EPHA6: variants seen among roughly 807,000 people sequenced by gnomAD.
EPHA6 encodes the protein EPH receptor A6, also known as ephrin type-A receptor 6.
A neutral mutation model predicts 112.0 loss-of-function variants in EPHA6; 50 were observed. That is an observed-to-expected ratio of 0.45 (90% confidence interval 0.36 to 0.56). The LOEUF (loss-of-function observed/expected upper bound fraction) is 0.56. EPHA6 is among the 20% of genes least tolerant of loss of function. The pLI, the probability that EPHA6 is intolerant of heterozygous loss-of-function variation, is 0.00. For synonymous variants in EPHA6, 529 were observed against 490.7 expected, an observed-to-expected ratio of 1.08 and a Z score of -1.03; for missense variants, 1,280 against 1,417.4, an observed-to-expected ratio of 0.90 and a Z score of 1.56.
At chr3:97,655,762 G>A (rs1386833436) in intron 14 of EPHA6, among the ~76,000 whole-genome samples, 1 of 132,026 alleles carries the variant, frequency 7.6e-6, no homozygotes, top group East Asian at 2.6e-4. Context: ...GTTGTGGAGT[G>A]GGGGGAGGGG....
At chr3:96,882,772 A>ATG (rs2037400204) in intron 2 of EPHA6, among the ~76,000 whole-genome samples, 1 of 124,550 alleles carries the variant, frequency 8.0e-6, no homozygotes, top group African/African-American at 3.1e-5. Context: ...GTGTGTGTAT[A>ATG]GTCAATCATC....
intron 11 of EPHA6, among the ~76,000 whole-genome samples, chr3:97,565,002 G>A (rs1264635261): frequency 6.6e-6 from 1 of 152,130 alleles, no homozygotes; most frequent in Non-Finnish European, 1.5e-5. Context: ...CGCCAGCACA[G>A]AGATGATATC....
intron 3 of EPHA6, among the ~76,000 whole-genome samples, chr3:97,032,982 G>A (rs2044929557): frequency 6.6e-6 from 1 of 151,682 alleles, no homozygotes; most frequent in African/African-American, 2.4e-5. Context: ...GCACTCTTCA[G>A]GTAGGGTATG....
chr3:96,983,809 T>G (rs907985147), intron 2 of EPHA6, among the ~76,000 whole-genome samples: 1 of 152,238 alleles, frequency 6.6e-6, no homozygotes, highest in African/African-American at 2.4e-5. Context: ...CATTTGATCT[T>G]CAATCACTGA....
chr3:97,399,210 A>G (rs941196635), intron 5 of EPHA6, among the ~76,000 whole-genome samples: 1 of 151,486 alleles, frequency 6.6e-6, no homozygotes, highest in African/African-American at 2.4e-5. Flanking sequence ...TCTTTCTGTG[A>G]CTTACATATT....
intron 5 of EPHA6, among the ~76,000 whole-genome samples, chr3:97,361,737 G>A (rs1017594221): frequency 6.6e-6 from 1 of 152,082 alleles, no homozygotes; most frequent in African/African-American, 2.4e-5. Context: ...ATCTGTGAAT[G>A]GATTAATCCC....
chr3:97,613,637 T>G (rs1009689823), intron 13 of EPHA6, among the ~76,000 whole-genome samples: 9 of 152,058 alleles, frequency 5.9e-5, no homozygotes, highest in Non-Finnish European at 1.2e-4. Flanking sequence ...AGTGTGTGTG[T>G]GGGCTTGTGT....
At chr3:97,644,666 G>A (rs1391314208) in intron 14 of EPHA6, among the ~76,000 whole-genome samples, 11 of 150,242 alleles carry the variant, frequency 7.3e-5, no homozygotes, top group South Asian at 4.2e-4. Flanking sequence ...ACACCTCTAC[G>A]CAAATAAACT....
chr3:96,830,578 C>T (rs924173539), intron 1 of EPHA6, among the ~76,000 whole-genome samples: 2 of 151,970 alleles, frequency 1.3e-5, no homozygotes, highest in Non-Finnish European at 2.9e-5. Flanking sequence ...CTGTTTGATC[C>T]ATGTACTTTC....
intron 13 of EPHA6, among the ~76,000 whole-genome samples, chr3:97,618,550 A>C (rs896055052): frequency 6.6e-6 from 1 of 152,236 alleles, no homozygotes; most frequent in Admixed American, 6.6e-5. Context: ...AAAAGAGAGA[A>C]GATTCAAATA....
chr3:97,038,669 G>A (rs1293952211), intron 3 of EPHA6, among the ~76,000 whole-genome samples: 2 of 152,032 alleles, frequency 1.3e-5, no homozygotes, highest in South Asian at 2.1e-4. Flanking sequence ...GGGAATATTT[G>A]TCTCTTCAGA....
intron 5 of EPHA6, among the ~76,000 whole-genome samples, chr3:97,281,613 A>G (rs2080289572): frequency 1.3e-5 from 2 of 152,160 alleles, no homozygotes; most frequent in African/African-American, 4.8e-5. Flanking sequence ...CACAATGAAA[A>G]TCACACATGA....
At chr3:97,631,891 TA>T in intron 13 of EPHA6, among the ~76,000 whole-genome samples, 1 of 152,030 alleles carries the variant, frequency 6.6e-6, no homozygotes, top group East Asian at 1.9e-4. Flanking sequence ...TGATTTATAT[TA>T]TGGTCCATAG....
At chr3:97,003,055 T>C (rs930946345) in intron 3 of EPHA6, among the ~76,000 whole-genome samples, 1 of 152,090 alleles carries the variant, frequency 6.6e-6, no homozygotes, top group African/African-American at 2.4e-5. Flanking sequence ...GGGGTTGATA[T>C]TGGGGAGGAG....
At chr3:97,099,503 G>T (rs1559727680) in intron 3 of EPHA6, among the ~76,000 whole-genome samples, 1 of 151,894 alleles carries the variant, frequency 6.6e-6, no homozygotes, top group African/African-American at 2.4e-5. Context: ...TTGTGATAGT[G>T]TGTTATGTCA....
In EPHA6 at chr3:97,608,075, G is replaced by A. The variant is rs947190692; in HGVS notation, c.2513-2718G>A. Among the ~76,000 whole-genome samples, 3 of 150,040 alleles carry A rather than the reference G, an allele frequency of 2.0e-5. No homozygotes were observed. In the East Asian group the frequency reaches 5.8e-4, roughly 29 times the overall value. ...GAAAACCAAGACAAATTACAGGCTA[G>A]ATGGAGCAATAGTAAAAAAAAAAAA... is the stretch of plus-strand genomic sequence containing the variant. On this transcript the variant is annotated intron_variant, in intron 12 of 17. Transcript: ENST00000389672.
At chr3:97,653,103 A>G (rs981406531) in intron 14 of EPHA6, among the ~76,000 whole-genome samples, 1 of 152,046 alleles carries the variant, frequency 6.6e-6, no homozygotes, top group East Asian at 1.9e-4. Flanking sequence ...ATAAGTCACT[A>G]TGTTAGGTAG....
At chr3:97,687,592 G>A (rs1205504570) in intron 14 of EPHA6, among the ~76,000 whole-genome samples, 1 of 152,150 alleles carries the variant, frequency 6.6e-6, no homozygotes, top group African/African-American at 2.4e-5. Context: ...TCCTTTCTGG[G>A]CATGAAGTAC....
At chr3:96,981,103 G>T (rs1031751425) in intron 2 of EPHA6, among the ~76,000 whole-genome samples, 1 of 152,146 alleles carries the variant, frequency 6.6e-6, no homozygotes, top group Non-Finnish European at 1.5e-5. Flanking sequence ...TAGGAGTGGT[G>T]AGAGAGGGCG....
Sources: allele counts gnomAD v4.1 joint callset (sites outside exome capture counted in the v4.1 genomes callset), GRCh38; gene constraint gnomAD v4.1.1; transcripts MANE v1.5; gene names NCBI Gene and HGNC (gene_info 2026-07-23, HGNC 2026-07-21).